TEAD2: variants seen among roughly 807,000 people sequenced by gnomAD.
TEAD2 encodes TEA domain transcription factor 2.
TEAD2 carries 51 observed loss-of-function variants against 61.4 expected under a neutral mutation model. The observed-to-expected ratio is 0.83, with a 90% confidence interval of 0.66 to 1.05. The LOEUF is 1.05. Ranked by LOEUF, TEAD2 falls within the 50% of genes least tolerant of loss-of-function variation. TEAD2 has a pLI of 0.00. For missense variants in TEAD2, 509 were observed against 600.0 expected (o/e 0.85, Z 1.58); for synonymous variants, 244 against 243.2 (o/e 1.00, Z -0.03).
Position 49,347,253 on chromosome 19 carries a change from C to A in TEAD2, c.858G>T (p.Lys286Asn). The change falls in exon 10 of 13, where the codon AAG becomes AAT. Residue 286 changes from lysine to asparagine, a missense_variant. Transcript: ENST00000593945. ...RQIYDKFPEK[K>N]GGLRELYDRG... ...GATCATATAGCTCTCGGAGGCCACC[C>A]TTTTTCTCAGGGAATTTGTCGTAGA... The A allele has an allele frequency of 6.2e-7, 1 of 1,614,148 alleles. No homozygotes were observed. Among genetic ancestry groups the A allele is most frequent in the South Asian group, 1.1e-5 (1 of 91,078 alleles).
chr19:49,351,649 CTT>C, intron 7 of TEAD2, among the ~76,000 whole-genome samples: 1 of 152,028 alleles, frequency 6.6e-6, no homozygotes, highest in East Asian at 1.9e-4. Context: ...ATCTCAGGCT[CTT>C]GATGATGACA....
rs867518313 is a variant in TEAD2 at position 49,355,807 on chromosome 19, C to T, written c.372+152G>A. ...GTGCCCCTGCATCCAGCTTAGGCGA[C>T]AGAGCAAGACCCTGTCTCCAAAAAG... On this transcript the variant is annotated intron_variant, in intron 5 of 12. Transcript: ENST00000593945. 2.6e-5 allele frequency among the ~76,000 whole-genome samples: 4 copies of T among 151,964 alleles called. No homozygotes were observed. The South Asian group carries it at 6.2e-4, about 24-fold the overall frequency.
intron 5 of TEAD2, 134 bp from the exon 6 acceptor site, chr19:49,355,553 A>G (rs1202106431): frequency 2.7e-6 from 2 of 728,260 alleles, no homozygotes; most frequent in Non-Finnish European, 4.7e-6. Context: ...GTGGCCGGGC[A>G]TGGTGGCTCA....
rs111961902 is a variant in TEAD2, at chr19:49,359,130, C to T, written c.297+305G>A. Reference sequence around the variant, plus strand: ...GTGCATGTCTGTAATCCCTGCTACTCGGGAGGCTGAGACAGGAGAATTGCT... The same window carrying T: ...GTGCATGTCTGTAATCCCTGCTACTTGGGAGGCTGAGACAGGAGAATTGCT... On this transcript the variant is annotated intron_variant, in intron 3 of 12. Coordinates refer to ENST00000593945, the MANE Select transcript of TEAD2 (RefSeq NM_001256660.2). The surrounding 1 kb of genome is among the most constrained non-coding windows in gnomAD (Gnocchi z 4.1). 1.3e-5 allele frequency among the ~76,000 whole-genome samples: 2 copies of T among 151,928 alleles called. No homozygotes were observed. The highest frequency in any genetic ancestry group is 2.9e-5 in the Non-Finnish European group (2 of 67,992).
intron 12 of TEAD2, among the ~76,000 whole-genome samples, chr19:49,342,085 G>A (rs1971312843): frequency 6.6e-6 from 1 of 152,038 alleles, no homozygotes; most frequent in African/African-American, 2.4e-5. Flanking sequence ...CCAGCTACTC[G>A]GGAGGCTGAG....
At position 49,355,149 on chromosome 19, in the gene TEAD2, C is replaced by G. The variant is rs780988316; in HGVS notation, c.538G>C (p.Asp180His). Reference sequence around the variant, plus strand: ...TGAGCCAGGACACATAGTACTCACTCTGGAACATTCCAGGGGGGCCCAGAT... The same window carrying G: ...TGAGCCAGGACACATAGTACTCACTGTGGAACATTCCAGGGGGGCCCAGAT... ...GGSGPPWNVP[D>H]VKPFSQTPFT... Residue 180 changes from aspartate to histidine, a missense_variant and splice_region_variant, in exon 7 of 13, where the codon GAT (aspartate) becomes CAT (histidine). Physicochemically the swap from Asp to His is moderately conservative, Grantham distance 81. Transcript: ENST00000593945. 6.2e-7 allele frequency: 1 copy of G among 1,607,732 alleles called. No individual in the cohort carries two copies. The highest frequency in any genetic ancestry group is 1.3e-5 in the African/African-American group (1 of 74,654).
At chr19:49,351,254 C>T (rs368041315) in intron 8 of TEAD2, 47 bp downstream of exon 8, 56 of 1,559,330 alleles carry the variant, frequency 3.6e-5, no homozygotes, top group African/African-American at 1.4e-4. Flanking sequence ...CAGTAGGGGT[C>T]GAAGAGAGAG....
At chr19:49,346,995 C>T (rs1357872688) in intron 10 of TEAD2, among the ~76,000 whole-genome samples, 195 bp downstream of exon 10, 1 of 152,200 alleles carries the variant, frequency 6.6e-6, no homozygotes, top group Non-Finnish European at 1.5e-5. Flanking sequence ...GCCCAGACAC[C>T]TCCAACCCAC....
chr19:49,351,662 T>C (rs532252865), intron 7 of TEAD2, among the ~76,000 whole-genome samples: 156 of 152,112 alleles, frequency 1.0e-3, no homozygotes, highest in African/African-American at 3.7e-3. Flanking sequence ...GATGATGACA[T>C]TTTGGTATCT....
chr19:49,355,373 G>A lies in TEAD2; in HGVS notation c.419C>T (p.Ser140Phe), dbSNP rs756694502. 1 of 1,614,232 alleles carries A rather than the reference G, an allele frequency of 6.2e-7. No individual in the cohort carries two copies. Among genetic ancestry groups the A allele is most frequent in the Non-Finnish European group, 8.5e-7 (1 of 1,180,048 alleles). The change falls in exon 6 of 13, where the codon TCC (serine) becomes TTC (phenylalanine). Residue 140 changes from serine (S) to phenylalanine (F), a missense_variant. Ser to Phe is a radical substitution (Grantham distance 155). Transcript: ENST00000593945. ...AGGCGCGGAGATGAGCTGGGCAGAG[G>A]ACATGGTTGCCATTGTCTGGAAAGC... ...DKAFQTMATM[S>F]SAQLISAPSL...
intron 11 of TEAD2, 46 bp downstream of exon 11, chr19:49,343,185 C>G (rs1318505803): frequency 5.1e-6 from 8 of 1,565,844 alleles, no homozygotes; most frequent in African/African-American, 1.4e-5. Context: ...CTGGTCCATT[C>G]TGCACCCCCA....
chr19:49,343,861 G>GGA (rs1555781809), intron 10 of TEAD2, among the ~76,000 whole-genome samples: 3 of 146,236 alleles, frequency 2.1e-5, no homozygotes, highest in African/African-American at 7.5e-5. Flanking sequence ...TTTTTGGGGG[G>GGA]GGGGGAACAG....
chr19:49,359,569 G>A lies in TEAD2; in HGVS notation c.233-70C>T, dbSNP rs1338964062. Reference sequence around the variant, plus strand: ...AACTTCCCCACAGCATGGACACCAGGGAAGAAGAAAGCAGCATGGGTCCCC... The same window carrying A: ...AACTTCCCCACAGCATGGACACCAGAGAAGAAGAAAGCAGCATGGGTCCCC... On this transcript the variant is annotated intron_variant, in intron 2 of 12. Coordinates refer to ENST00000593945, the MANE Select transcript of TEAD2 (RefSeq NM_001256660.2). The surrounding 1 kb of genome is among the most constrained non-coding windows in gnomAD (Gnocchi z 4.1). The A allele has an allele frequency of 3.8e-6, 6 of 1,560,116 alleles. No individual in the cohort carries two copies. The African/African-American group carries it at 4.1e-5, about 11-fold the overall frequency.
At chr19:49,348,483 C>T (rs1039061627) in intron 9 of TEAD2, among the ~76,000 whole-genome samples, 38 of 138,578 alleles carry the variant, frequency 2.7e-4, no homozygotes, top group African/African-American at 9.7e-4. Flanking sequence ...AAGTACGGTC[C>T]CCAGACCAGC....
chr19:49,357,143 T>C, intron 4 of TEAD2, 109 bp downstream of exon 4: 2 of 966,544 alleles, frequency 2.1e-6, no homozygotes, highest in South Asian at 1.4e-5. Flanking sequence ...TCCTCCCCGC[T>C]CTAAGTCTCT....
In TEAD2 at chr19:49,360,057, C is replaced by A. The variant is rs1972724192; in HGVS notation, c.19G>T (p.Gly7Trp). 1 of 1,606,324 alleles carries A rather than the reference C, an allele frequency of 6.2e-7. No individual in the cohort carries two copies. Among genetic ancestry groups the A allele is most frequent in the Non-Finnish European group, 8.5e-7 (1 of 1,179,748 alleles). Residue 7 changes from glycine (G) to tryptophan (W), a missense_variant, in exon 2 of 13, where the codon GGG becomes TGG. Physicochemically the swap from Gly to Trp is radical, Grantham distance 184. Transcript: ENST00000593945. MGEPRA[G>W]AALDDGSGWT... ...CCGCTGCCATCGTCCAGGGCGGCCC[C>A]AGCCCGGGGTTCCCCCATCTGGGCC...
chr19:49,356,082 CCT>C, intron 4 of TEAD2, 112 bp from the exon 5 acceptor site: 2 of 885,444 alleles, frequency 2.3e-6, no homozygotes, highest in East Asian at 3.3e-5. Context: ...GCCCCGCCAC[CCT>C]GAGCTGAGCA....
intron 4 of TEAD2, 143 bp downstream of exon 4, chr19:49,357,109 T>C (rs1972456876): frequency 5.3e-6 from 3 of 568,442 alleles, no homozygotes; most frequent in Admixed American, 2.6e-5. Flanking sequence ...CCTGGGTCTC[T>C]GTCCCTTTCT....
chr19:49,351,464 T>C, intron 7 of TEAD2, 99 bp from the exon 8 acceptor site: 1 of 1,133,080 alleles, frequency 8.8e-7, no homozygotes, highest in Non-Finnish European at 1.3e-6. Flanking sequence ...ACCCTGTGCA[T>C]TTTGTGCACA....
Sources: gnomAD v4.1 joint callset for allele counts (sites outside exome capture counted in the v4.1 genomes callset) on GRCh38, gnomAD v4.1.1 for gene constraint, Gnocchi (gnomAD v3.1) non-coding constraint, MANE v1.5 for transcripts, NCBI Gene and HGNC (gene_info 2026-07-23, HGNC 2026-07-21) for gene names.